The following DDX5 variants were observed in gnomAD, a reference collection of about 807,000 sequenced individuals.
DDX5 encodes the protein probable ATP-dependent RNA helicase DDX5.
In DDX5, 6 loss-of-function variants were observed where a neutral mutation model predicts 68.6. The observed-to-expected ratio is 0.09, with a 90% CI of 0.05 to 0.17. The LOEUF (loss-of-function observed/expected upper bound fraction) is 0.17, where lower values mean the gene tolerates loss of function less well. DDX5 is among the 10% of genes least tolerant of loss of function. DDX5 has a pLI of 1.00. For missense variants in DDX5, 499 were observed against 756.1 expected (o/e 0.66, Z 3.99); for synonymous variants, 350 against 247.0 (o/e 1.42, Z -3.91).
At chr17:64,505,467 T>C (rs1485537763) in intron 1 of DDX5, 1 of 537,758 alleles carries the variant, frequency 1.9e-6, no homozygotes, top group Non-Finnish European at 3.3e-6. Flanking sequence ...CCGGGCGGAG[T>C]CGGCCGGGCG....
upstream of DDX5, chr17:64,506,410 T>TG (rs2144294055): frequency 7.2e-7 from 1 of 1,389,258 alleles, no homozygotes; most frequent in South Asian, 1.5e-5. Context: ...CAACGCCCGC[T>TG]GGCGTTCCAG....
intron 12 of DDX5, 31 bp downstream of exon 12, chr17:64,500,518 A>G (rs2038272778): frequency 6.3e-7 from 1 of 1,593,732 alleles, no homozygotes; most frequent in African/African-American, 1.3e-5. Flanking sequence ...GTGACTCGTA[A>G]CTACCAACAT....
At chr17:64,505,293 G>A in intron 1 of DDX5, 1 of 329,868 alleles carries the variant, frequency 3.0e-6, no homozygotes, top group Non-Finnish European at 5.7e-6. Context: ...AACCTAAACA[G>A]TACAGTCAGC....
chr17:64,500,577 C>T lies in DDX5; in HGVS notation c.1413G>A (p.Leu471=), dbSNP rs781830385. The T allele has an allele frequency of 5.9e-5, 96 of 1,613,978 alleles. No homozygotes were observed. Among genetic ancestry groups the T allele is most frequent in the Non-Finnish European group, 8.0e-5 (94 of 1,179,990 alleles). ...AACCTCTGTCTTCGACCAACTGAAG[C>T]AACTTGGGATTAATTGCTTGATTAG... is the stretch of plus-strand genomic sequence containing the variant. The part of the protein sequence containing the change: ...REANQAINPK[L]LQLVEDRGSG... The change falls in exon 12 of 13, where the codon TTG becomes TTA. Residue 471 remains leucine (L), a synonymous_variant. Transcript: ENST00000225792.
chr17:64,504,313 C>T lies in DDX5; in HGVS notation c.216G>A (p.Glu72=), dbSNP rs1416149328. 3.7e-6 allele frequency: 6 copies of T among 1,613,512 alleles called. No homozygotes were observed. Among genetic ancestry groups the T allele is most frequent in the African/African-American group, 1.3e-5 (1 of 74,874 alleles). Residue 72 remains glutamate (E), a synonymous_variant, in exon 3 of 13, where the codon GAG becomes GAA. Transcript: ENST00000225792. The part of the protein sequence containing the change: ...HPDLARRTAQ[E]VETYRRSKEI... ...CCTTGCTTCTTCTGTATGTTTCCAC[C>T]TCTTGCTGCAAAACAAATTATAACA...
intron 1 of DDX5, chr17:64,505,043 A>G (rs1160108813): frequency 1.5e-5 from 7 of 472,532 alleles, no homozygotes; most frequent in African/African-American, 1.4e-4. Flanking sequence ...CACATTACTT[A>G]GGTCATGTAA....
intron 3 of DDX5, 34 bp downstream of exon 3, chr17:64,504,188 A>T: frequency 5.6e-6 from 9 of 1,612,986 alleles, no homozygotes; most frequent in Non-Finnish European, 7.6e-6. Context: ...GGAAACAAAA[A>T]CACGGGTAGG....
At chr17:64,505,660 C>T (rs782228948) in intron 1 of DDX5, 62 of 1,399,988 alleles carry the variant, frequency 4.4e-5, no homozygotes, top group Non-Finnish European at 5.8e-5. Flanking sequence ...GCCCTCCTAC[C>T]CCAACAGCAC....
Position 64,506,224 on chromosome 17 carries a change from G to A in DDX5, c.-105C>T, listed in dbSNP as rs377373286. Reference sequence around the variant, plus strand: ...GGCGAAGCCTTGCGGGGGCGGCAGCGGAGGAAGGACACCGATGACACCAGC... The same window carrying A: ...GGCGAAGCCTTGCGGGGGCGGCAGCAGAGGAAGGACACCGATGACACCAGC... On this transcript the variant is annotated 5_prime_UTR_variant, in exon 1 of 13. Coordinates refer to ENST00000225792, the MANE Select transcript of DDX5 (RefSeq NM_004396.5). 33 of 1,556,084 alleles carry A rather than the reference G, an allele frequency of 2.1e-5. No individual in the cohort carries two copies. Among genetic ancestry groups the A allele is most frequent in the South Asian group, 1.2e-4 (10 of 84,550 alleles).
intron 1 of DDX5, 57 bp downstream of exon 1, chr17:64,506,019 G>GTGCCCCCCCCCCCAAC: frequency 7.4e-7 from 1 of 1,360,446 alleles, no homozygotes; most frequent in Non-Finnish European, 1.0e-6. Flanking sequence ...CCGCCACCCT[G>GTGCCCCCCCCCCCAAC]ACCCGCCCTC....
rs1386286450 is a variant in DDX5 at position 64,506,141 on chromosome 17, C to T, written c.-22G>A. 1.2e-6 allele frequency: 2 copies of T among 1,606,172 alleles called. No individual in the cohort carries two copies. The highest frequency in any genetic ancestry group is 1.3e-5 in the African/African-American group (1 of 74,606). On this transcript the variant is annotated 5_prime_UTR_variant, in exon 1 of 13. Transcript: ENST00000225792. ...ACATGGCGTCAATGGTTGCGGTTGG[C>T]GGGGAACGAAGTATATAGAAAAGCG...
In DDX5 at chr17:64,503,479, A is replaced by G. The variant is rs2038348413; in HGVS notation, c.600T>C (p.Cys200=). 2 of 1,614,150 alleles carry G rather than the reference A, an allele frequency of 1.2e-6. No homozygotes were observed. The highest frequency in any genetic ancestry group is 2.2e-5 in the East Asian group (1 of 44,902). ...YCRACRLKST[C]IYGGAPKGPQ... ...GTCCCTTAGGAGCACCACCGTAGAT[A>G]CAAGTAGACTTCAAGCGACATGCTC... Residue 200 remains cysteine, a synonymous_variant, in exon 6 of 13, where the codon TGT becomes TGC. Transcript: ENST00000225792.
Position 64,499,549 on chromosome 17 carries a change from A to C in DDX5, c.*374T>G. The C allele has an allele frequency of 4.3e-6, 1 of 234,404 alleles. No individual in the cohort carries two copies. The highest frequency in any genetic ancestry group is 8.4e-6 in the Non-Finnish European group (1 of 119,758). The allele number at this position is 234,404 out of a possible 1,614,324, so 14.5% of individuals were successfully genotyped here. A position where few individuals can be genotyped will look rare whatever the true frequency, so the allele number is the denominator to read the frequency against. ...GAAAAAAAAAACCAAACAAAAACAA[A>C]AAAAAAACCAGACCATCTTAAGCAA... is the stretch of plus-strand genomic sequence containing the variant. On this transcript the variant is annotated 3_prime_UTR_variant, in exon 13 of 13. Coordinates refer to ENST00000225792, the MANE Select transcript of DDX5 (RefSeq NM_004396.5).
intron 1 of DDX5, chr17:64,505,466 GT>G: frequency 1.7e-6 from 1 of 572,894 alleles, no homozygotes; most frequent in Non-Finnish European, 3.1e-6. Context: ...CCCGGGCGGA[GT>G]CGGCCGGGCG....
At position 64,503,009 on chromosome 17, in the gene DDX5, T is replaced by A; in HGVS notation, c.900A>T (p.Ile300=). The A allele has an allele frequency of 6.2e-7, 1 of 1,614,154 alleles. No homozygotes were observed. The highest frequency in any genetic ancestry group is 1.1e-5 in the South Asian group (1 of 91,074). ...AEDFLKDYIH[I]NIGALELSAN... ...CACTCAGTTCAAGTGCACCAATGTT[T>A]ATATGAATATAGTCTTTCAGGAAAT... is the stretch of plus-strand genomic sequence containing the variant. The change falls in exon 8 of 13, where the codon ATA becomes ATT. Residue 300 remains isoleucine (I), a synonymous_variant. Coordinates refer to ENST00000225792, the MANE Select transcript of DDX5 (RefSeq NM_004396.5).
chr17:64,500,357 T>G, intron 12 of DDX5, 31 bp from the exon 13 acceptor site: 1 of 1,582,610 alleles, frequency 6.3e-7, no homozygotes. Context: ...AATTGATCAA[T>G]TATGTCTATG....
Position 64,498,726 on chromosome 17 carries a change from G to C in DDX5, c.*1197C>G, listed in dbSNP as rs140210836. 7.2e-4 allele frequency among the ~76,000 whole-genome samples: 109 copies of C among 152,240 alleles called. No homozygotes were observed. Among genetic ancestry groups the C allele is most frequent in the Middle Eastern group, 6.8e-3 (2 of 294 alleles). ...AAAAAAAACACGTATCAGACTCTGG[G>C]AAAACATTCAGACCCACTTCTAGCT... On this transcript the variant is annotated 3_prime_UTR_variant, in exon 13 of 13. Transcript: ENST00000225792.
chr17:64,500,356 A>G, intron 12 of DDX5, 30 bp from the exon 13 acceptor site: 1 of 1,582,586 alleles, frequency 6.3e-7, no homozygotes. Context: ...AAATTGATCA[A>G]TTATGTCTAT....
chr17:64,503,720 A>T, intron 5 of DDX5, 83 bp downstream of exon 5: 3 of 1,545,852 alleles, frequency 1.9e-6, no homozygotes, highest in Non-Finnish European at 1.8e-6. Flanking sequence ...ATATAAAACC[A>T]CCACAAATGA....
Sources: gnomAD v4.1 joint callset for allele counts (sites outside exome capture counted in the v4.1 genomes callset) on GRCh38, gnomAD v4.1.1 for gene constraint, MANE v1.5 for transcripts, NCBI Gene and HGNC (gene_info 2026-07-23, HGNC 2026-07-21) for gene names.